TBCEL: variants seen among roughly 807,000 people sequenced by gnomAD.
TBCEL encodes tubulin-specific chaperone cofactor E-like protein.
In TBCEL, 15 loss-of-function variants were observed where a neutral mutation model predicts 44.2. That is an observed-to-expected ratio of 0.34 (90% CI 0.23 to 0.52). The LOEUF (loss-of-function observed/expected upper bound fraction) is 0.52. Among genes scored for constraint, TBCEL ranks in the 20% least tolerant of loss-of-function variants. The probability of loss-of-function intolerance (pLI) is 0.95; values close to 1 mark genes in which losing one functional copy is unlikely to be tolerated. For missense variants in TBCEL, 319 were observed against 506.3 expected (o/e 0.63, Z 3.55); for synonymous variants, 171 against 185.4 (o/e 0.92, Z 0.63).
intron 6 of TBCEL, among the ~76,000 whole-genome samples, chr11:121,056,976 T>C (rs1945633436): frequency 6.6e-6 from 1 of 151,884 alleles, no homozygotes; most frequent in Non-Finnish European, 1.5e-5. Context: ...TTTCTGAAAA[T>C]ACCTACATAA....
chr11:121,031,942 GC>G lies in TBCEL; in HGVS notation c.-125-4561del, dbSNP rs377695216. Among the ~76,000 whole-genome samples, 628 of 152,144 alleles carry G rather than the reference GC, an allele frequency of 4.1e-3. 2 individuals carry two copies. Among genetic ancestry groups the G allele is most frequent in the South Asian group, 0.023 (113 of 4,818 alleles). On this transcript the variant is annotated intron_variant, in intron 1 of 8. Transcript: ENST00000683345. ...CAAAGTCCTGGAATTACAGATGTAA[GC>G]CACCATGACTGGCCAAGTTTTCATT...
intron 8 of TBCEL, among the ~76,000 whole-genome samples, chr11:121,078,968 T>C (rs1301236742): frequency 6.6e-6 from 1 of 152,244 alleles, no homozygotes; most frequent in Admixed American, 6.5e-5. Context: ...TTAACTGCTG[T>C]ATAGTATTCT....
At chr11:121,030,749 T>A (rs1020082531) in intron 1 of TBCEL, among the ~76,000 whole-genome samples, 6 of 152,210 alleles carry the variant, frequency 3.9e-5, no homozygotes, top group Admixed American at 2.0e-4. Context: ...AATTTTGTGT[T>A]TTTTTCTCTG....
intron 8 of TBCEL, among the ~76,000 whole-genome samples, chr11:121,074,656 C>T (rs1011882586): frequency 6.6e-6 from 1 of 151,818 alleles, no homozygotes; most frequent in Non-Finnish European, 1.5e-5. Flanking sequence ...ACAAACACTA[C>T]AGTCATAGAA....
At chr11:121,066,250 C>T (rs1281194567) in intron 8 of TBCEL, among the ~76,000 whole-genome samples, 1 of 152,184 alleles carries the variant, frequency 6.6e-6, no homozygotes, top group Non-Finnish European at 1.5e-5. Flanking sequence ...GACTTCTTTG[C>T]TGTTCTGTAT....
intron 8 of TBCEL, among the ~76,000 whole-genome samples, chr11:121,060,408 C>T (rs985892973): frequency 6.6e-6 from 1 of 151,692 alleles, no homozygotes; most frequent in Admixed American, 6.6e-5. Context: ...TTACCTACCC[C>T]CCCAAATTAG....
At chr11:121,031,050 A>G (rs1338490759) in intron 1 of TBCEL, among the ~76,000 whole-genome samples, 2 of 152,148 alleles carry the variant, frequency 1.3e-5, no homozygotes, top group African/African-American at 2.4e-5. Context: ...AATTTACCCA[A>G]TTGCCTGTTC....
chr11:121,073,145 A>C (rs1056251356), intron 8 of TBCEL, among the ~76,000 whole-genome samples: 1 of 151,964 alleles, frequency 6.6e-6, no homozygotes, highest in African/African-American at 2.4e-5. Context: ...TTTCTCTTCT[A>C]TATGAATTTT....
intron 6 of TBCEL, among the ~76,000 whole-genome samples, chr11:121,056,803 T>C (rs995894656): frequency 9.2e-5 from 14 of 151,958 alleles, no homozygotes; most frequent in African/African-American, 3.4e-4. Flanking sequence ...TTCAGGTCTG[T>C]GGCCCATTTT....
chr11:121,039,072 A>C (rs1303510314), intron 2 of TBCEL, among the ~76,000 whole-genome samples: 2 of 152,190 alleles, frequency 1.3e-5, no homozygotes, highest in Non-Finnish European at 2.9e-5. Context: ...TCTTAGTTTT[A>C]TCTTTGCAGG....
At chr11:121,060,146 G>C in intron 8 of TBCEL, 61 bp downstream of exon 8, 2 of 1,154,936 alleles carry the variant, frequency 1.7e-6, no homozygotes, top group Non-Finnish European at 2.6e-6. Flanking sequence ...AAGAACTCTA[G>C]TGTTAGAGCA....
intron 2 of TBCEL, 56 bp from the exon 3 acceptor site, chr11:121,045,618 T>G: frequency 7.1e-7 from 1 of 1,411,682 alleles, no homozygotes. Context: ...AATAAATACT[T>G]CTTATGTGAG....
chr11:121,090,161 G>A lies in TBCEL; in HGVS notation c.*3065G>A, dbSNP rs911810999. ...AAGGCCAAAATATAACTTGAGCTAG[G>A]TATAACAGGGCTGAATGCTACAGTG... is the stretch of plus-strand genomic sequence containing the variant. On this transcript the variant is annotated 3_prime_UTR_variant, in exon 9 of 9. Coordinates refer to ENST00000683345, the MANE Select transcript of TBCEL (RefSeq NM_001363644.2). 1 of 152,142 alleles carries A rather than the reference G, an allele frequency of 6.6e-6. No homozygotes were observed. The highest frequency in any genetic ancestry group is 1.5e-5 in the Non-Finnish European group (1 of 68,018). 9.4% of individuals were successfully genotyped at this position (152,142 alleles called of 1,614,324 possible). A position where few individuals can be genotyped will look rare whatever the true frequency, so the allele number is the denominator to read the frequency against.
intron 5 of TBCEL, chr11:121,054,837 C>A: frequency 2.4e-6 from 1 of 423,794 alleles, no homozygotes; most frequent in Non-Finnish European, 4.0e-6. Context: ...TTCGCACTAC[C>A]TTATATCATT....
chr11:121,034,323 A>G (rs185858952), intron 1 of TBCEL, among the ~76,000 whole-genome samples: 34 of 152,306 alleles, frequency 2.2e-4, no homozygotes, highest in Admixed American at 2.0e-3. Context: ...TAGGAGTACA[A>G]AAATCATATA....
chr11:121,053,622 G>A lies in TBCEL; in HGVS notation c.345G>A (p.Ser115=), dbSNP rs769049832. The change falls in exon 5 of 9, where the codon TCG becomes TCA. Residue 115 remains serine, a synonymous_variant. Transcript: ENST00000683345. ...LNLSSNPLNL[S]VLERTCAGSF... is the part of the protein sequence containing the mutation. ...TGAGTTCCAACCCTCTGAATTTGTC[G>A]GTTTTAGAAAGAACATGTGCTGGGT... 2.4e-5 allele frequency: 38 copies of A among 1,612,196 alleles called. No homozygotes were observed. Among genetic ancestry groups the A allele is most frequent in the Middle Eastern group, 3.3e-4 (2 of 6,046 alleles).
chr11:121,045,679 TAAGA>T lies in TBCEL; in HGVS notation c.-3_1del. ...TATTTCTTGGTTTCTTGTAGCATTTTAAGAAAGAAAGATGGATCAACCTAGTGGA... is the reference window on the plus strand; with the variant it reads ...TATTTCTTGGTTTCTTGTAGCATTTTAAGAAAGATGGATCAACCTAGTGGA... On this transcript the variant is annotated 5_prime_UTR_variant, in exon 3 of 9. Coordinates refer to ENST00000683345, the MANE Select transcript of TBCEL (RefSeq NM_001363644.2). 3 of 1,568,754 alleles carry T rather than the reference TAAGA, an allele frequency of 1.9e-6. No individual in the cohort carries two copies. The highest frequency in any genetic ancestry group is 2.6e-6 in the Non-Finnish European group (3 of 1,162,044).
At chr11:121,050,400 T>C (rs11218125) in intron 4 of TBCEL, among the ~76,000 whole-genome samples, 32,518 of 151,634 alleles carry the variant, frequency 0.21, 3,566 homozygotes, top group East Asian at 0.33. Context: ...GTAACTTCTT[T>C]TGTAACTTAA....
chr11:121,031,479 T>C (rs955462377), intron 1 of TBCEL, among the ~76,000 whole-genome samples: 2 of 152,114 alleles, frequency 1.3e-5, no homozygotes, highest in Admixed American at 1.3e-4. Context: ...AATTTTATCT[T>C]TTAGTAAGTA....
Sources: allele counts gnomAD v4.1 joint callset (sites outside exome capture counted in the v4.1 genomes callset), GRCh38; gene constraint gnomAD v4.1.1; transcripts MANE v1.5; gene names NCBI Gene and HGNC (gene_info 2026-07-23, HGNC 2026-07-21).